Variants in HS6ST3 observed in about 807,000 individuals in gnomAD.
HS6ST3 encodes heparan-sulfate 6-O-sulfotransferase 3.
In HS6ST3, 12 loss-of-function variants were observed where a neutral mutation model predicts 36.7. The observed-to-expected ratio is 0.33, with a 90% CI of 0.21 to 0.53. The LOEUF is 0.53. HS6ST3 is among the 20% of genes least tolerant of loss of function. HS6ST3 has a pLI of 0.95. For synonymous variants in HS6ST3, 240 were observed against 257.5 expected (o/e 0.93, Z 0.65); for missense variants, 584 against 640.9 (o/e 0.91, Z 0.96).
chr13:96,147,928 T>C (rs1594694276), intron 1 of HS6ST3, among the ~76,000 whole-genome samples: 2 of 152,350 alleles, frequency 1.3e-5, no homozygotes, highest in East Asian at 3.9e-4. Context: ...GTTTTTGAAC[T>C]GTGTGGTCGT....
intron 1 of HS6ST3, among the ~76,000 whole-genome samples, chr13:96,144,875 T>G (rs9525132): frequency 7.0e-5 from 10 of 142,736 alleles, no homozygotes; most frequent in Non-Finnish European, 1.5e-4. Context: ...TCAATTCCCA[T>G]CTATGAGTGA....
rs934126096 is a variant in HS6ST3, at chr13:96,316,281, G to A, written c.707+224712G>A. 1.8e-3 allele frequency among the ~76,000 whole-genome samples: 269 copies of A among 148,532 alleles called. 2 individuals are homozygous for A. The highest frequency in any genetic ancestry group is 6.2e-3 in the African/African-American group (256 of 41,128). On this transcript the variant is annotated intron_variant, in intron 1 of 1. Transcript: ENST00000376705. Reference sequence around the variant, plus strand: ...CCTGTGTGTGTGTGTGTGTGTGTGTGTGTGTGTGTGTGTGTGTGTATGTGT... The same window carrying A: ...CCTGTGTGTGTGTGTGTGTGTGTGTATGTGTGTGTGTGTGTGTGTATGTGT...
At chr13:96,783,451 C>T (rs1877572469) in intron 1 of HS6ST3, among the ~76,000 whole-genome samples, 1 of 152,088 alleles carries the variant, frequency 6.6e-6, no homozygotes, top group Admixed American at 6.6e-5. Flanking sequence ...ATTTTTGTTA[C>T]TGCTTTAAGT....
chr13:96,552,879 A>G (rs547777682), intron 1 of HS6ST3, among the ~76,000 whole-genome samples: 12 of 152,330 alleles, frequency 7.9e-5, no homozygotes, highest in Non-Finnish European at 1.5e-4. Context: ...CATAAAGCAA[A>G]GGAATCCAGC....
At chr13:96,221,620 C>T (rs1167514449) in intron 1 of HS6ST3, among the ~76,000 whole-genome samples, 1 of 152,064 alleles carries the variant, frequency 6.6e-6, no homozygotes, top group Non-Finnish European at 1.5e-5. Flanking sequence ...CAGTAGAGGT[C>T]AGATACAGTA....
chr13:96,752,049 C>G (rs11619310), intron 1 of HS6ST3, among the ~76,000 whole-genome samples: 1 of 152,050 alleles, frequency 6.6e-6, no homozygotes, highest in Admixed American at 6.6e-5. Context: ...TCCAATGTAA[C>G]TACTATAACT....
chr13:96,539,034 G>A (rs1260415922), intron 1 of HS6ST3, among the ~76,000 whole-genome samples: 1 of 151,988 alleles, frequency 6.6e-6, no homozygotes, highest in South Asian at 2.1e-4. Context: ...TATTATCTAG[G>A]CGTAGTAGTG....
intron 1 of HS6ST3, among the ~76,000 whole-genome samples, chr13:96,238,642 A>G (rs1176150474): frequency 2.0e-5 from 3 of 152,216 alleles, no homozygotes; most frequent in African/African-American, 7.2e-5. Flanking sequence ...TACAAGACTC[A>G]TGGCTTAGGA....
chr13:96,605,541 C>T (rs552636570), intron 1 of HS6ST3, among the ~76,000 whole-genome samples: 3 of 152,248 alleles, frequency 2.0e-5, no homozygotes. Flanking sequence ...CGATCATCCA[C>T]ATCCATTTTT....
intron 1 of HS6ST3, among the ~76,000 whole-genome samples, chr13:96,373,161 A>G (rs1164383995): frequency 1.3e-5 from 2 of 152,120 alleles, no homozygotes. Context: ...GACACTTGTC[A>G]TGGGATTTAA....
intron 1 of HS6ST3, among the ~76,000 whole-genome samples, chr13:96,687,986 A>G (rs2138442509): frequency 6.6e-6 from 1 of 150,798 alleles, no homozygotes; most frequent in Admixed American, 6.7e-5. Flanking sequence ...CAAACACCAC[A>G]TGTTCTCACT....
intron 1 of HS6ST3, among the ~76,000 whole-genome samples, chr13:96,628,569 T>C (rs1311086669): frequency 2.6e-5 from 4 of 152,088 alleles, no homozygotes; most frequent in Non-Finnish European, 4.4e-5. Flanking sequence ...TTTTGAGAGA[T>C]TGCATTAAAA....
intron 1 of HS6ST3, among the ~76,000 whole-genome samples, chr13:96,743,733 G>C (rs896332515): frequency 6.6e-6 from 1 of 151,948 alleles, no homozygotes; most frequent in Non-Finnish European, 1.5e-5. Flanking sequence ...TTTCAAGAGG[G>C]CTCTCTTGTA....
At position 96,426,509 on chromosome 13, in the gene HS6ST3, A is replaced by C. The variant is rs140774848; in HGVS notation, c.707+334940A>C. Among the ~76,000 whole-genome samples the C allele has an allele frequency of 9.8e-4, 150 of 152,318 alleles. 1 individual carries two copies. The highest frequency in any genetic ancestry group is 3.3e-3 in the African/African-American group (139 of 41,562). On this transcript the variant is annotated intron_variant, in intron 1 of 1. Coordinates refer to ENST00000376705, the MANE Select transcript of HS6ST3 (RefSeq NM_153456.4). ...TTTCCCAGCTTTAATTCCACTCAAA[A>C]GTAGGAAAATGTTTATTTTCAATTA...
chr13:96,119,713 A>G (rs2053915809), intron 1 of HS6ST3, among the ~76,000 whole-genome samples: 1 of 152,112 alleles, frequency 6.6e-6, no homozygotes, highest in Admixed American at 6.5e-5. Context: ...TCCTCTGTCT[A>G]TTATCTGAGT....
intron 1 of HS6ST3, among the ~76,000 whole-genome samples, chr13:96,631,033 CAG>C (rs2056530419): frequency 6.6e-6 from 1 of 152,130 alleles, no homozygotes; most frequent in Non-Finnish European, 1.5e-5. Flanking sequence ...TAAATAAAGA[CAG>C]AAACATGCTC....
intron 1 of HS6ST3, among the ~76,000 whole-genome samples, chr13:96,795,754 C>G (rs1877895295): frequency 6.6e-6 from 1 of 152,078 alleles, no homozygotes; most frequent in Non-Finnish European, 1.5e-5. Flanking sequence ...GTTGGGAGAC[C>G]AGTTTCCATT....
chr13:96,388,147 G>C lies in HS6ST3; in HGVS notation c.707+296578G>C, dbSNP rs2055377696. 3.9e-5 allele frequency among the ~76,000 whole-genome samples: 6 copies of C among 152,162 alleles called. 1 individual carries two copies. The highest frequency in any genetic ancestry group is 3.9e-4 in the Admixed American group (6 of 15,274). On this transcript the variant is annotated intron_variant, in intron 1 of 1. Transcript: ENST00000376705. ...CTTTTGGTCACATCCAAATTAGTGTGTATTTCATTTGCATTTAAAGAGCTT... is the reference window on the plus strand; with the variant it reads ...CTTTTGGTCACATCCAAATTAGTGTCTATTTCATTTGCATTTAAAGAGCTT...
chr13:96,571,787 T>C (rs2056301877), intron 1 of HS6ST3, among the ~76,000 whole-genome samples: 1 of 152,084 alleles, frequency 6.6e-6, no homozygotes, highest in African/African-American at 2.4e-5. Flanking sequence ...GGAAAAAGAG[T>C]CAAAGATAGT....
Sources: allele counts gnomAD v4.1 joint callset (sites outside exome capture counted in the v4.1 genomes callset), GRCh38; gene constraint gnomAD v4.1.1; transcripts MANE v1.5; gene names NCBI Gene and HGNC (gene_info 2026-07-23, HGNC 2026-07-21).